The following TLE2 variants were observed in gnomAD, a reference collection of about 807,000 sequenced individuals.
TLE2 encodes transducin-like enhancer protein 2.
TLE2 carries 74 observed loss-of-function variants against 97.2 expected under a neutral mutation model. The observed-to-expected ratio is 0.76, with a 90% CI of 0.63 to 0.92. TLE2 has a LOEUF of 0.92. Ranked by LOEUF, TLE2 falls within the 40% of genes least tolerant of loss-of-function variation. The pLI is 0.00. For synonymous variants in TLE2, 499 were observed against 432.1 expected (o/e 1.15, Z -1.92); for missense variants, 1,038 against 1,008.7 (o/e 1.03, Z -0.39).
Position 2,997,974 on chromosome 19 carries a change from G to C in TLE2, c.2125-19C>G. 1 of 1,580,518 alleles carries C rather than the reference G, an allele frequency of 6.3e-7. No homozygotes were observed. The highest frequency in any genetic ancestry group is 8.7e-7 in the Non-Finnish European group (1 of 1,154,426). ...CCTTGGACTGCCAAGGGAAGGGAGA[G>C]AGAAAAGGGCACAGTGAGGCATGGT... is the stretch of plus-strand genomic sequence containing the variant. On this transcript the variant is annotated intron_variant, in intron 19 of 19. Coordinates refer to ENST00000262953, the MANE Select transcript of TLE2 (RefSeq NM_003260.5).
rs2089462492 is a variant in TLE2 at position 3,005,831 on chromosome 19, T to G, written c.1638A>C (p.Ser546=). ...CGGCCAGGGCGTAGCAGGCTGGGGC[T>G]GAGGAAGTCAGCTCGGCCTTGATAC... is the stretch of plus-strand genomic sequence containing the variant. ...TPRIKAELTS[S]APACYALAVS... Residue 546 remains serine, a synonymous_variant, in exon 16 of 20, where the codon TCA becomes TCC. Transcript: ENST00000262953. The G allele has an allele frequency of 6.2e-7, 1 of 1,613,844 alleles. No individual in the cohort carries two copies. Among genetic ancestry groups the G allele is most frequent in the African/African-American group, 1.3e-5 (1 of 74,922 alleles).
Position 3,005,972 on chromosome 19 carries a change from G to A in TLE2, c.1501-4C>T, listed in dbSNP as rs778253232. On this transcript the variant is annotated splice_polypyrimidine_tract_variant and splice_region_variant and intron_variant, in intron 15 of 19. Coordinates refer to ENST00000262953, the MANE Select transcript of TLE2 (RefSeq NM_003260.5). ...AACGAATGTAGTTGTCTCGGTTCTGGGGTCGGGGAGAGAAGCAGGGGCTGG... is the reference window on the plus strand; with the variant it reads ...AACGAATGTAGTTGTCTCGGTTCTGAGGTCGGGGAGAGAAGCAGGGGCTGG... 1 of 1,609,840 alleles carries A rather than the reference G, an allele frequency of 6.2e-7. No homozygotes were observed. The highest frequency in any genetic ancestry group is 1.1e-5 in the South Asian group (1 of 90,916).
At chr19:3,000,265 C>T (rs1009634467) in intron 19 of TLE2, among the ~76,000 whole-genome samples, 6 of 151,084 alleles carry the variant, frequency 4.0e-5, no homozygotes, top group African/African-American at 1.2e-4. Flanking sequence ...TTAGTAGAGA[C>T]GGGTTTTCAC....
At position 3,027,882 on chromosome 19, in the gene TLE2, G is replaced by A. The variant is rs200753905; in HGVS notation, c.187-9C>T. ...TACGACATCTCATAATACTGCAAAG[G>A]AAAAACCAAGTAAGAACGTCTAGGG... On this transcript the variant is annotated splice_polypyrimidine_tract_variant and intron_variant, in intron 3 of 19. Coordinates refer to ENST00000262953, the MANE Select transcript of TLE2 (RefSeq NM_003260.5). 48 of 1,608,632 alleles carry A rather than the reference G, an allele frequency of 3.0e-5. No homozygotes were observed. The highest frequency in any genetic ancestry group is 3.7e-5 in the Non-Finnish European group (44 of 1,177,754).
chr19:3,018,064 A>T (rs772849618), intron 7 of TLE2, among the ~76,000 whole-genome samples: 34 of 151,306 alleles, frequency 2.2e-4, no homozygotes, highest in Non-Finnish European at 4.4e-4. Flanking sequence ...AGGGATAGTG[A>T]CTTGCCTCAA....
At chr19:3,041,929 C>G (rs796848830) in intron 1 of TLE2, among the ~76,000 whole-genome samples, 1 of 17,574 alleles carries the variant, frequency 5.7e-5, no homozygotes, top group African/African-American at 6.3e-4. Context: ...TTGCGGGGGG[C>G]CCCGAGTCCC....
In TLE2 at chr19:3,002,508, G is replaced by A. The variant is rs1368850128; in HGVS notation, c.1897-5C>T. The A allele has an allele frequency of 2.6e-6, 4 of 1,558,610 alleles. No homozygotes were observed. Among genetic ancestry groups the A allele is most frequent in the Non-Finnish European group, 3.5e-6 (4 of 1,152,450 alleles). On this transcript the variant is annotated splice_polypyrimidine_tract_variant and splice_region_variant and intron_variant, in intron 17 of 19. Transcript: ENST00000262953. ...GCAGTGGCCCAGGGAGAAAATCTGG[G>A]GGTAAAGAGGGAAGAGATGGGGTCA...
At chr19:3,006,152 A>G in intron 15 of TLE2, 184 bp from the exon 16 acceptor site, 1 of 945,162 alleles carries the variant, frequency 1.1e-6, no homozygotes, top group South Asian at 1.3e-5. Context: ...TCTGACTATA[A>G]GCTCCATCCT....
chr19:3,029,559 G>GGGA (rs2090004749), upstream of TLE2: 1 of 488,266 alleles, frequency 2.0e-6, no homozygotes, highest in Non-Finnish European at 2.4e-6. Flanking sequence ...CCGTGGGAGC[G>GGGA]GGGGGGGGGG....
chr19:3,043,413 G>C (rs112389572), intron 1 of TLE2, among the ~76,000 whole-genome samples: 1 of 123,250 alleles, frequency 8.1e-6, no homozygotes, highest in Non-Finnish European at 1.6e-5. Context: ...GCCTAACCTC[G>C]TGATCCGCCC....
chr19:3,015,441 C>G (rs952674212), intron 9 of TLE2, among the ~76,000 whole-genome samples: 1 of 152,228 alleles, frequency 6.6e-6, no homozygotes, highest in Non-Finnish European at 1.5e-5. Flanking sequence ...AATGGCTGTA[C>G]GGCCAAGAGG....
At chr19:3,041,014 T>TATATATATATGTATATATATATATATATA (rs55998855) in intron 1 of TLE2, among the ~76,000 whole-genome samples, 2 of 20,166 alleles carry the variant, frequency 9.9e-5, no homozygotes, top group Non-Finnish European at 1.7e-4. Context: ...TATATATATA[T>TATATATATATGTATATATATATATATATA]TTTTTTTTTT....
chr19:3,000,135 G>A (rs999900224), intron 19 of TLE2, among the ~76,000 whole-genome samples: 6 of 149,160 alleles, frequency 4.0e-5, no homozygotes, highest in Non-Finnish European at 5.9e-5. Flanking sequence ...GCAGTGGTGC[G>A]ATCTCAGCTC....
chr19:3,003,079 A>AC (rs148330387), intron 17 of TLE2, among the ~76,000 whole-genome samples: 3,433 of 152,042 alleles, frequency 0.023, 131 homozygotes, highest in African/African-American at 0.079. Context: ...CCTCTTCAGC[A>AC]CCCCCCTAGA....
Position 3,005,413 on chromosome 19 carries a change from C to T in TLE2, c.1896+24G>A, listed in dbSNP as rs139348419. 15,498 of 1,611,670 alleles carry T rather than the reference C, an allele frequency of 9.6e-3. 99 individuals are homozygous for T. The highest frequency in any genetic ancestry group is 0.012 in the Non-Finnish European group (14,006 of 1,178,940). On this transcript the variant is annotated intron_variant, in intron 17 of 19. Transcript: ENST00000262953. ...GCTGTATTCCTAGAGCTTCCATCCCCCTCCTGCCAGAACCGAACAGCACCT... is the reference window on the plus strand; with the variant it reads ...GCTGTATTCCTAGAGCTTCCATCCCTCTCCTGCCAGAACCGAACAGCACCT...
intron 18 of TLE2, 100 bp from the exon 19 acceptor site, chr19:3,000,823 C>CTTT: frequency 3.1e-6 from 2 of 651,036 alleles, no homozygotes; most frequent in Non-Finnish European, 4.7e-6. Flanking sequence ...CTGGCCTCTC[C>CTTT]CTTTTTTTTT....
Position 3,028,392 on chromosome 19 carries a change from A to C in TLE2, c.123-10T>G. 1 of 1,599,014 alleles carries C rather than the reference A, an allele frequency of 6.3e-7. No individual in the cohort carries two copies. The highest frequency in any genetic ancestry group is 8.5e-7 in the Non-Finnish European group (1 of 1,172,204). The stretch of plus-strand genomic sequence containing the variant: ...ACATTCTAGCTTGAGGCTGAGAAGA[A>C]GAGAGAGGGCAAGGGGCTCCCACCC... On this transcript the variant is annotated splice_polypyrimidine_tract_variant and intron_variant, in intron 2 of 19. Coordinates refer to ENST00000262953, the MANE Select transcript of TLE2 (RefSeq NM_003260.5).
intron 19 of TLE2, 129 bp from the exon 20 acceptor site, chr19:2,998,084 T>C: frequency 1.5e-6 from 1 of 646,012 alleles, no homozygotes; most frequent in Non-Finnish European, 2.8e-6. Context: ...GTGTTTCTTT[T>C]TTTGAGATGG....
At chr19:3,043,959 C>T (rs1421806998) in intron 1 of TLE2, among the ~76,000 whole-genome samples, 4 of 151,312 alleles carry the variant, frequency 2.6e-5, no homozygotes, top group East Asian at 3.9e-4. Flanking sequence ...ACTCCAGCCT[C>T]GGCGACAGAG....
Sources: allele counts gnomAD v4.1 joint callset (sites outside exome capture counted in the v4.1 genomes callset), GRCh38; gene constraint gnomAD v4.1.1; transcripts MANE v1.5; gene names NCBI Gene and HGNC (gene_info 2026-07-23, HGNC 2026-07-21).